Variants in CREB3L2 observed in about 807,000 individuals in gnomAD.
CREB3L2 encodes the protein cyclic AMP-responsive element-binding protein 3-like protein 2.
CREB3L2 carries 23 observed loss-of-function variants against 57.2 expected under a neutral mutation model. The ratio of observed to expected loss-of-function variants is 0.40; its 90% CI spans 0.29 to 0.57. The LOEUF (loss-of-function observed/expected upper bound fraction) is 0.57, where lower values mean the gene tolerates loss of function less well. Among genes scored for constraint, CREB3L2 ranks in the 20% least tolerant of loss-of-function variants. CREB3L2 has a pLI of 0.42. For missense variants in CREB3L2, 628 were observed against 634.7 expected (o/e 0.99, Z 0.11); for synonymous variants, 268 against 265.1 (o/e 1.01, Z -0.11).
At chr7:137,975,393 A>G (rs1801588398) in intron 1 of CREB3L2, among the ~76,000 whole-genome samples, 1 of 152,186 alleles carries the variant, frequency 6.6e-6, no homozygotes, top group Admixed American at 6.5e-5. Context: ...CTCTGCAATC[A>G]GTTGGCTGCA....
At chr7:137,989,018 G>A (rs1218105184) in intron 1 of CREB3L2, among the ~76,000 whole-genome samples, 1 of 152,078 alleles carries the variant, frequency 6.6e-6, no homozygotes. Flanking sequence ...AAGAAAGAGA[G>A]AAAGAAAGAA....
chr7:137,954,133 A>G (rs937128734), intron 1 of CREB3L2, among the ~76,000 whole-genome samples: 8 of 152,200 alleles, frequency 5.3e-5, no homozygotes, highest in African/African-American at 1.4e-4. Flanking sequence ...TGACCTTGAG[A>G]TACAGGTTGT....
In CREB3L2 at chr7:137,879,987, G is replaced by T; in HGVS notation, c.*489C>A. 1 of 239,942 alleles carries T rather than the reference G, an allele frequency of 4.2e-6. No individual in the cohort carries two copies. Among genetic ancestry groups the T allele is most frequent in the Non-Finnish European group, 8.2e-6 (1 of 121,964 alleles). The allele number at this position is 239,942 out of a possible 1,614,324, so 14.9% of individuals were successfully genotyped here. ...CAGGGGGCAGAGTGGGCGGAGGGCT[G>T]CTGTCGGGGGTGTTCACACCAGAGA... On this transcript the variant is annotated 3_prime_UTR_variant, in exon 12 of 12. Transcript: ENST00000330387.
At chr7:137,901,705 C>T (rs1799762162) in intron 7 of CREB3L2, among the ~76,000 whole-genome samples, 1 of 151,352 alleles carries the variant, frequency 6.6e-6, no homozygotes, top group African/African-American at 2.4e-5. Flanking sequence ...ATGGTGAAAC[C>T]CTGTCTCTAC....
In CREB3L2 at chr7:137,984,410, G is replaced by A. The variant is rs150200776; in HGVS notation, c.102+17194C>T. On this transcript the variant is annotated intron_variant, in intron 1 of 11. Coordinates refer to ENST00000330387, the MANE Select transcript of CREB3L2 (RefSeq NM_194071.4). ...GGTACTACCCTTTCTGCTTTGCCCC[G>A]TCACTTTCTTCCACCAGTGAGGCTG... Among the ~76,000 whole-genome samples, 208 of 152,240 alleles carry A rather than the reference G, an allele frequency of 1.4e-3. 1 individual carries two copies. Among genetic ancestry groups the A allele is most frequent in the African/African-American group, 4.9e-3 (202 of 41,536 alleles).
chr7:137,884,875 T>C, intron 10 of CREB3L2, 120 bp downstream of exon 10: 1 of 1,416,624 alleles, frequency 7.1e-7, no homozygotes, highest in Non-Finnish European at 9.9e-7. Flanking sequence ...AGGGAGAAGC[T>C]CCACTTTTAC....
intron 8 of CREB3L2, among the ~76,000 whole-genome samples, chr7:137,887,294 G>C (rs2117179533): frequency 6.6e-6 from 1 of 152,242 alleles, no homozygotes; most frequent in Non-Finnish European, 1.5e-5. Context: ...CTCCCAATTT[G>C]AGCAAATTAA....
Position 138,002,002 on chromosome 7 carries a change from C to G in CREB3L2, c.-297G>C, listed in dbSNP as rs553809736. 1.1e-5 allele frequency: 4 copies of G among 367,930 alleles called. No individual in the cohort carries two copies. The highest frequency in any genetic ancestry group is 8.3e-5 in the African/African-American group (4 of 48,296). 22.8% of individuals were successfully genotyped at this position (367,930 alleles called of 1,614,324 possible). On this transcript the variant is annotated 5_prime_UTR_variant, in exon 1 of 12. Coordinates refer to ENST00000330387, the MANE Select transcript of CREB3L2 (RefSeq NM_194071.4). Reference sequence around the variant, plus strand: ...ATGAAGGCAGAAGACCCGCTCTCATCCCAGGAAAATCCCTTAGCCGCAAGC... The same window carrying G: ...ATGAAGGCAGAAGACCCGCTCTCATGCCAGGAAAATCCCTTAGCCGCAAGC...
intron 1 of CREB3L2, among the ~76,000 whole-genome samples, chr7:137,968,723 G>C (rs1024469653): frequency 6.6e-6 from 1 of 152,102 alleles, no homozygotes; most frequent in Non-Finnish European, 1.5e-5. Context: ...TCCTCCAATG[G>C]GGGGTACAGC....
intron 8 of CREB3L2, among the ~76,000 whole-genome samples, chr7:137,899,796 C>T (rs947999365): frequency 4.6e-5 from 7 of 152,250 alleles, no homozygotes; most frequent in Admixed American, 2.6e-4. Flanking sequence ...ATCCCACTGG[C>T]GGTAGTTTTA....
At chr7:137,897,437 T>A (rs1354733029) in intron 8 of CREB3L2, among the ~76,000 whole-genome samples, 1 of 152,188 alleles carries the variant, frequency 6.6e-6, no homozygotes, top group Non-Finnish European at 1.5e-5. Flanking sequence ...TGGCACAATC[T>A]CGGCTCACTG....
At chr7:137,956,557 T>C (rs776946961) in intron 1 of CREB3L2, 7 of 1,268,270 alleles carry the variant, frequency 5.5e-6, no homozygotes, top group South Asian at 3.7e-5. Flanking sequence ...CAAACTGCCA[T>C]TGCACTCTCT....
rs1799316590 is a variant in CREB3L2 at position 137,882,479 on chromosome 7, G to A, written c.1420C>T (p.Pro474Ser). Residue 474 changes from proline to serine, a missense_variant, in exon 11 of 12, where the codon CCC becomes TCC. By Grantham distance (74) the Pro-to-Ser change is moderately conservative. Transcript: ENST00000330387. ...GLESRPDVDL[P>S]HFIISNETSL... Reference sequence around the variant, plus strand: ...GTCTCATTCGAGATAATGAAATGGGGAAGATCCACATCCGGCCTGGACTCC... The same window carrying A: ...GTCTCATTCGAGATAATGAAATGGGAAAGATCCACATCCGGCCTGGACTCC... 6.2e-7 allele frequency: 1 copy of A among 1,613,868 alleles called. No homozygotes were observed. Among genetic ancestry groups the A allele is most frequent in the South Asian group, 1.1e-5 (1 of 91,070 alleles).
Position 137,880,114 on chromosome 7 carries a change from A to C in CREB3L2, c.*362T>G. 1 of 344,046 alleles carries C rather than the reference A, an allele frequency of 2.9e-6. No individual in the cohort carries two copies. The highest frequency in any genetic ancestry group is 4.7e-5 in the East Asian group (1 of 21,398). 21.3% of individuals were successfully genotyped at this position (344,046 alleles called of 1,614,324 possible). Reference sequence around the variant, plus strand: ...GAGTCTGGGGTCTTGACTGAACAAGAGCCATCTCGTCTCCAAAGCGGGGGG... The same window carrying C: ...GAGTCTGGGGTCTTGACTGAACAAGCGCCATCTCGTCTCCAAAGCGGGGGG... On this transcript the variant is annotated 3_prime_UTR_variant, in exon 12 of 12. Transcript: ENST00000330387. This position sits in a 1 kb window ranked among gnomAD's most constrained non-coding sequence, Gnocchi z 4.0.
chr7:137,955,648 A>C (rs1801195055), intron 1 of CREB3L2, among the ~76,000 whole-genome samples: 1 of 152,190 alleles, frequency 6.6e-6, no homozygotes, highest in Non-Finnish European at 1.5e-5. Context: ...CAAATTTTTG[A>C]AAAAGAACTG....
rs182462359 is a variant in CREB3L2, at chr7:137,946,740, T to C, written c.103-18374A>G. Among the ~76,000 whole-genome samples, 374 of 85,768 alleles carry C rather than the reference T, an allele frequency of 4.4e-3. 6 individuals carry two copies. Among genetic ancestry groups the C allele is most frequent in the African/African-American group, 0.019 (359 of 18,676 alleles). 56.3% of individuals were successfully genotyped at this position (85,768 alleles called of 152,430 possible). On this transcript the variant is annotated intron_variant, in intron 1 of 11. Coordinates refer to ENST00000330387, the MANE Select transcript of CREB3L2 (RefSeq NM_194071.4). ...AGTTATATATATATAGTTTTATATA[T>C]AGTTTTTTATAGTTATCTATATAGT...
rs568733457 is a variant in CREB3L2 at position 138,001,925 on chromosome 7, G to A, written c.-220C>T. On this transcript the variant is annotated 5_prime_UTR_variant, in exon 1 of 12. Coordinates refer to ENST00000330387, the MANE Select transcript of CREB3L2 (RefSeq NM_194071.4). This position sits in a 1 kb window ranked among gnomAD's most constrained non-coding sequence, Gnocchi z 4.2. Reference sequence around the variant, plus strand: ...CCTCGGAGATCCGAGAATCCCCAGGGACACGAGCCGGACCAAAGGCTGCCG... The same window carrying A: ...CCTCGGAGATCCGAGAATCCCCAGGAACACGAGCCGGACCAAAGGCTGCCG... The A allele has an allele frequency of 2.2e-6, 1 of 455,054 alleles. No individual in the cohort carries two copies. The highest frequency in any genetic ancestry group is 3.8e-5 in the South Asian group (1 of 26,106). 28.2% of individuals were successfully genotyped at this position (455,054 alleles called of 1,614,324 possible).
At position 137,878,299 on chromosome 7, in the gene CREB3L2, T is replaced by C. The variant is rs1205673505; in HGVS notation, c.*2177A>G. ...GTCTGGTTCAGTTGCAGCAGGTACA[T>C]GGGTTGGCTCATTCTCTCACTTCTG... is the stretch of plus-strand genomic sequence containing the variant. On this transcript the variant is annotated 3_prime_UTR_variant, in exon 12 of 12. Coordinates refer to ENST00000330387, the MANE Select transcript of CREB3L2 (RefSeq NM_194071.4). 1.3e-5 allele frequency: 3 copies of C among 232,812 alleles called. No individual in the cohort carries two copies. Among genetic ancestry groups the C allele is most frequent in the African/African-American group, 6.6e-5 (3 of 45,338 alleles). 14.4% of individuals were successfully genotyped at this position (232,812 alleles called of 1,614,324 possible).
chr7:137,953,036 C>T (rs1183649775), intron 1 of CREB3L2, among the ~76,000 whole-genome samples: 2 of 152,208 alleles, frequency 1.3e-5, no homozygotes, highest in Non-Finnish European at 2.9e-5. Context: ...AGGCTGGTCT[C>T]GAACTCCTGA....
Sources: allele counts gnomAD v4.1 joint callset (sites outside exome capture counted in the v4.1 genomes callset), GRCh38; gene constraint gnomAD v4.1.1; non-coding constraint Gnocchi (gnomAD v3.1); transcripts MANE v1.5; gene names NCBI Gene and HGNC (gene_info 2026-07-23, HGNC 2026-07-21).